Variants in VPS13B observed in about 807,000 individuals in gnomAD.
VPS13B encodes the protein vacuolar protein sorting 13 homolog B, also known as intermembrane lipid transfer protein VPS13B.
In VPS13B, 285 loss-of-function variants were observed where a neutral mutation model predicts 426.4. The ratio of observed to expected loss-of-function variants is 0.67; its 90% CI spans 0.61 to 0.74. VPS13B has a LOEUF of 0.74. Among genes scored for constraint, VPS13B ranks in the 30% least tolerant of loss-of-function variants. The pLI is 0.00. For synonymous variants in VPS13B, 1,676 were observed against 1,676.4 expected (o/e 1.00, Z 0.01); for missense variants, 4,537 against 4,782.6 (o/e 0.95, Z 1.51).
chr8:99,857,911 G>C (rs1043794587), intron 56 of VPS13B, among the ~76,000 whole-genome samples: 10 of 152,182 alleles, frequency 6.6e-5, no homozygotes, highest in Non-Finnish European at 1.5e-5. Flanking sequence ...CTAAACCCTA[G>C]TGTTATCATC....
intron 19 of VPS13B, among the ~76,000 whole-genome samples, chr8:99,368,448 C>A (rs954487770): frequency 3.9e-5 from 6 of 152,182 alleles, no homozygotes; most frequent in African/African-American, 1.4e-4. Context: ...TCTTTCTCTT[C>A]AAATTCATTT....
intron 17 of VPS13B, among the ~76,000 whole-genome samples, chr8:99,261,157 G>C (rs1818018949): frequency 6.6e-6 from 1 of 151,886 alleles, no homozygotes; most frequent in Non-Finnish European, 1.5e-5. Context: ...AGCCTACTTT[G>C]GGTTTTACTC....
At chr8:99,317,016 A>G (rs961445541) in intron 19 of VPS13B, among the ~76,000 whole-genome samples, 1 of 152,242 alleles carries the variant, frequency 6.6e-6, no homozygotes, top group Non-Finnish European at 1.5e-5. Flanking sequence ...CATGTCAGCT[A>G]TAAGAAATGG....
chr8:99,060,778 G>A (rs1323805482), intron 3 of VPS13B, among the ~76,000 whole-genome samples: 1 of 151,910 alleles, frequency 6.6e-6, no homozygotes, highest in Non-Finnish European at 1.5e-5. Context: ...TGCCATAAGT[G>A]AAACTTTTTG....
chr8:99,015,849 G>A (rs1841585067), intron 2 of VPS13B, among the ~76,000 whole-genome samples: 1 of 152,116 alleles, frequency 6.6e-6, no homozygotes, highest in South Asian at 2.1e-4. Context: ...GTTGCAGTGA[G>A]CCGAGATCAT....
At chr8:99,787,392 C>T (rs1013027060) in intron 43 of VPS13B, among the ~76,000 whole-genome samples, 2 of 152,174 alleles carry the variant, frequency 1.3e-5, no homozygotes, top group Admixed American at 1.3e-4. Flanking sequence ...GGCAGAATCA[C>T]TTAACATTCT....
intron 3 of VPS13B, among the ~76,000 whole-genome samples, chr8:99,040,826 A>AAAGGTAGG (rs1842935382): frequency 1.3e-5 from 2 of 152,178 alleles, no homozygotes. Context: ...AGTATGATTA[A>AAAGGTAGG]AAGGTAGGAA....
At chr8:99,875,227 A>AGTT (rs2130989323) in intron 61 of VPS13B, 191 bp from the exon 62 acceptor site, 5 of 775,182 alleles carry the variant, frequency 6.5e-6, no homozygotes, top group Middle Eastern at 3.9e-4. Context: ...CACAACTTTC[A>AGTT]GTTATACTGC....
intron 3 of VPS13B, among the ~76,000 whole-genome samples, chr8:99,048,296 T>C (rs943774851): frequency 6.6e-6 from 1 of 152,202 alleles, no homozygotes; most frequent in Non-Finnish European, 1.5e-5. Flanking sequence ...GAAAGTTTCA[T>C]GCACTGAGGA....
intron 17 of VPS13B, among the ~76,000 whole-genome samples, chr8:99,246,900 G>A (rs1370357196): frequency 2.0e-5 from 3 of 151,280 alleles, no homozygotes; most frequent in Admixed American, 1.3e-4. Context: ...CATCAGTTTT[G>A]CACATATTTC....
chr8:99,043,702 T>G (rs1011392463), intron 3 of VPS13B, among the ~76,000 whole-genome samples: 2 of 152,176 alleles, frequency 1.3e-5, no homozygotes, highest in African/African-American at 2.4e-5. Flanking sequence ...TTTTTCCAAT[T>G]GAAGTTCATC....
At chr8:99,321,305 G>C (rs1459956456) in intron 19 of VPS13B, among the ~76,000 whole-genome samples, 1 of 150,300 alleles carries the variant, frequency 6.7e-6, no homozygotes, top group East Asian at 2.0e-4. Flanking sequence ...CGCCTCCCAG[G>C]CTCAAGTTAT....
In VPS13B at chr8:99,127,946, C is replaced by G. The variant is rs181978021; in HGVS notation, c.1206+6501C>G. Among the ~76,000 whole-genome samples the G allele has an allele frequency of 6.3e-3, 964 of 152,056 alleles. 8 individuals carry two copies. The highest frequency in any genetic ancestry group is 0.022 in the African/African-American group (904 of 41,478). On this transcript the variant is annotated intron_variant, in intron 8 of 61. Transcript: ENST00000357162. The stretch of plus-strand genomic sequence containing the variant: ...TTTTGTGTCTGCTTCAGTATTCAGT[C>G]TGTTAGGACATGTTTTAATTAATGT...
intron 4 of VPS13B, among the ~76,000 whole-genome samples, chr8:99,100,570 G>A (rs530537563): frequency 3.3e-5 from 5 of 152,188 alleles, no homozygotes; most frequent in African/African-American, 7.2e-5. Flanking sequence ...GATTATAGGT[G>A]TAAGCCACCA....
At chr8:99,189,831 T>C (rs968393747) in intron 16 of VPS13B, among the ~76,000 whole-genome samples, 8 of 152,232 alleles carry the variant, frequency 5.3e-5, no homozygotes, top group African/African-American at 1.9e-4. Flanking sequence ...TCAGCACATA[T>C]ATTGTATATG....
chr8:99,096,512 T>C, intron 4 of VPS13B, 80 bp downstream of exon 4: 1 of 1,588,174 alleles, frequency 6.3e-7, no homozygotes. Context: ...TCCCAGTGCT[T>C]TGGGGGGCTG....
intron 33 of VPS13B, among the ~76,000 whole-genome samples, chr8:99,582,758 C>T (rs1413826866): frequency 2.6e-5 from 4 of 152,166 alleles, no homozygotes; most frequent in Admixed American, 6.5e-5. Context: ...TGTGTTCACG[C>T]CATTCTCCTG....
At chr8:99,577,816 A>G in intron 33 of VPS13B, 183 bp downstream of exon 33, 1 of 845,934 alleles carries the variant, frequency 1.2e-6, no homozygotes, top group South Asian at 1.7e-5. Flanking sequence ...TTTGGTCTCT[A>G]TTCCTCTTAT....
intron 31 of VPS13B, among the ~76,000 whole-genome samples, chr8:99,557,141 A>C (rs971733501): frequency 6.6e-6 from 1 of 151,990 alleles, no homozygotes; most frequent in South Asian, 2.1e-4. Context: ...GATCTTTTTA[A>C]ATTTTTTTTA....
Sources: gnomAD v4.1 joint callset for allele counts (sites outside exome capture counted in the v4.1 genomes callset) on GRCh38, gnomAD v4.1.1 for gene constraint, MANE v1.5 for transcripts, NCBI Gene and HGNC (gene_info 2026-07-23, HGNC 2026-07-21) for gene names.